The following STK32A variants were observed in gnomAD, a reference collection of about 807,000 sequenced individuals.
The protein encoded by STK32A is serine/threonine-protein kinase 32A.
Under a neutral mutation model 53.2 loss-of-function variants are expected in STK32A, and 41 were observed. That is an observed-to-expected ratio of 0.77 (90% CI 0.60 to 1.00). STK32A has a LOEUF of 1.00. STK32A is among the 50% of genes least tolerant of loss of function. STK32A has a pLI of 0.00. For synonymous variants in STK32A, 166 were observed against 162.8 expected, an observed-to-expected ratio of 1.02 and a Z score of -0.15; for missense variants, 458 against 485.8, an observed-to-expected ratio of 0.94 and a Z score of 0.54.
chr5:147,395,349 C>T, the STK32A span, among the ~76,000 whole-genome samples: 3 of 152,192 alleles, frequency 2.0e-5, no homozygotes, highest in Admixed American at 2.0e-4. Flanking sequence ...TGGTCTTCGG[C>T]CTGACTGCCT....
chr5:147,252,415 A>C (rs577139183), intron 2 of STK32A, among the ~76,000 whole-genome samples: 22 of 152,190 alleles, frequency 1.4e-4, no homozygotes, highest in African/African-American at 4.3e-4. Flanking sequence ...CAATAACTAG[A>C]ATTGGCCTGA....
intron 5 of STK32A, among the ~76,000 whole-genome samples, chr5:147,329,235 C>T (rs1304621485): frequency 1.3e-5 from 2 of 152,138 alleles, no homozygotes; most frequent in African/African-American, 4.8e-5. Context: ...ATAACTGATT[C>T]CAGATTCATC....
At position 147,365,748 on chromosome 5, in the gene STK32A, C is replaced by T. The variant is rs142300598; in HGVS notation, c.660+4134C>T. 1.4e-4 allele frequency among the ~76,000 whole-genome samples: 21 copies of T among 152,186 alleles called. No homozygotes were observed. In the East Asian group the frequency reaches 3.3e-3, roughly 24 times the overall value. ...TCTGCCCTCATCTTTTATGACACAC[C>T]TAGCAAAACAGAAGCAGAGGAGCGA... On this transcript the variant is annotated intron_variant, in intron 8 of 12. Transcript: ENST00000397936.
intron 3 of STK32A, 61 bp downstream of exon 3, chr5:147,278,240 TC>T: frequency 1.5e-6 from 2 of 1,372,236 alleles, no homozygotes; most frequent in South Asian, 1.3e-5. Flanking sequence ...GAACAGAGGG[TC>T]CAGAAATGTT....
At chr5:147,261,396 C>T (rs992337097) in intron 2 of STK32A, among the ~76,000 whole-genome samples, 1 of 152,050 alleles carries the variant, frequency 6.6e-6, no homozygotes, top group African/African-American at 2.4e-5. Flanking sequence ...GTGTTGTCTC[C>T]CTGTTGGCTA....
At chr5:147,265,025 G>A (rs928320263) in intron 2 of STK32A, among the ~76,000 whole-genome samples, 9 of 150,780 alleles carry the variant, frequency 6.0e-5, no homozygotes, top group Non-Finnish European at 1.5e-5. Flanking sequence ...ATCTTTAGAT[G>A]GTTTTGTTTT....
At chr5:147,240,519 C>T (rs891898) in intron 2 of STK32A, among the ~76,000 whole-genome samples, 87,704 of 151,976 alleles carry the variant, frequency 0.58, 25,781 homozygotes, top group Admixed American at 0.69. Flanking sequence ...CAGTTACTTG[C>T]TAGGCCCAAG....
At chr5:147,246,046 A>G (rs1753757749) in intron 2 of STK32A, among the ~76,000 whole-genome samples, 1 of 152,216 alleles carries the variant, frequency 6.6e-6, no homozygotes, top group Non-Finnish European at 1.5e-5. Context: ...CACTCAATTT[A>G]ATAGGCAAAT....
chr5:147,355,421 C>T (rs1049890963), intron 7 of STK32A, among the ~76,000 whole-genome samples: 2 of 151,982 alleles, frequency 1.3e-5, no homozygotes, highest in Non-Finnish European at 2.9e-5. Context: ...ACCCTGTAAT[C>T]CCAGCACTTT....
At chr5:147,283,889 T>C (rs1429531061) in intron 4 of STK32A, among the ~76,000 whole-genome samples, 1 of 151,154 alleles carries the variant, frequency 6.6e-6, no homozygotes, top group Non-Finnish European at 1.5e-5. Flanking sequence ...ACCAATTCTT[T>C]TGACACTAAG....
chr5:147,293,709 G>C (rs1752721682), intron 4 of STK32A, among the ~76,000 whole-genome samples: 1 of 151,884 alleles, frequency 6.6e-6, no homozygotes, highest in Non-Finnish European at 1.5e-5. Flanking sequence ...ACCTAATAGG[G>C]ACAGCATGAG....
In STK32A at chr5:147,279,406, A is replaced by G; in HGVS notation, c.260+8A>G. ...TTTCCTGGTTAATTTGTGGTGAGTA[A>G]TTTTACTGGACCTCTGAATAGAGAC... On this transcript the variant is annotated splice_region_variant and intron_variant, in intron 4 of 12. Coordinates refer to ENST00000397936, the MANE Select transcript of STK32A (RefSeq NM_001112724.2). 1 of 1,564,042 alleles carries G rather than the reference A, an allele frequency of 6.4e-7. No homozygotes were observed. The highest frequency in any genetic ancestry group is 2.4e-5 in the East Asian group (1 of 42,142).
chr5:147,237,019 T>G (rs1030278465), intron 1 of STK32A, among the ~76,000 whole-genome samples: 1 of 152,052 alleles, frequency 6.6e-6, no homozygotes, highest in Non-Finnish European at 1.5e-5. Context: ...TCCTTAAAAT[T>G]AATGTTCTCC....
chr5:147,243,747 A>T (rs1034700312), intron 2 of STK32A, among the ~76,000 whole-genome samples: 1 of 151,362 alleles, frequency 6.6e-6, no homozygotes, highest in Non-Finnish European at 1.5e-5. Flanking sequence ...CCAAAAAAAA[A>T]CGGCTTGCTT....
At chr5:147,267,991 T>C (rs1301780243) in intron 2 of STK32A, among the ~76,000 whole-genome samples, 1 of 152,140 alleles carries the variant, frequency 6.6e-6, no homozygotes, top group Admixed American at 6.6e-5. Flanking sequence ...AAAATCCTCA[T>C]GGGATCTTTG....
At chr5:147,327,625 A>G (rs1368976567) in intron 5 of STK32A, among the ~76,000 whole-genome samples, 4 of 152,236 alleles carry the variant, frequency 2.6e-5, no homozygotes, top group Non-Finnish European at 5.9e-5. Context: ...CCTGGGTACC[A>G]GGCTGCCTGC....
intron 10 of STK32A, among the ~76,000 whole-genome samples, chr5:147,374,750 A>G (rs1415938816): frequency 2.0e-5 from 3 of 152,140 alleles, no homozygotes; most frequent in East Asian, 1.9e-4. Context: ...TGGTTGGAGA[A>G]CTGGGAAGCT....
chr5:147,254,622 G>A (rs1018476791), intron 2 of STK32A, among the ~76,000 whole-genome samples: 5 of 152,276 alleles, frequency 3.3e-5, no homozygotes, highest in African/African-American at 9.6e-5. Flanking sequence ...CCCCACGCAC[G>A]TGGCCCCTGC....
the STK32A span, among the ~76,000 whole-genome samples, chr5:147,394,720 A>G: frequency 1.2e-4 from 18 of 151,712 alleles, no homozygotes; most frequent in South Asian, 3.7e-3. Context: ...AAAATTGCTT[A>G]TGACTAGCAG....
Sources: allele counts gnomAD v4.1 joint callset (sites outside exome capture counted in the v4.1 genomes callset), GRCh38; gene constraint gnomAD v4.1.1; transcripts MANE v1.5; gene names NCBI Gene and HGNC (gene_info 2026-07-23, HGNC 2026-07-21).